The following C13orf42 variants were observed in gnomAD, a reference collection of about 807,000 sequenced individuals.
C13orf42 encodes the protein chromosome 13 open reading frame 42.
intron 1 of C13orf42, among the ~76,000 whole-genome samples, chr13:51,107,812 G>A (rs17075324): frequency 0.047 from 7,160 of 152,276 alleles, 443 homozygotes; most frequent in African/African-American, 0.14. Flanking sequence ...CAGGGGAGAC[G>A]CACATTTTAA....
chr13:51,124,272 C>CTGAT (rs1364596926), intron 1 of C13orf42, among the ~76,000 whole-genome samples: 14 of 152,274 alleles, frequency 9.2e-5, no homozygotes, highest in Admixed American at 9.2e-4. Flanking sequence ...CTTAAAAACC[C>CTGAT]TGATCCCCAA....
upstream of C13orf42, among the ~76,000 whole-genome samples, chr13:51,115,457 T>C (rs1399059993): frequency 1.3e-5 from 2 of 152,216 alleles, no homozygotes; most frequent in African/African-American, 4.8e-5. Context: ...CCTCGTATCA[T>C]GGTGTAACCG....
intron 1 of C13orf42, among the ~76,000 whole-genome samples, chr13:51,122,103 TTAG>T (rs1047333070): frequency 2.0e-5 from 3 of 152,140 alleles, no homozygotes; most frequent in Non-Finnish European, 2.9e-5. Context: ...ACAAATATTT[TTAG>T]TATATTAAGA....
At chr13:51,163,773 A>C (rs145410357) in intron 1 of C13orf42, among the ~76,000 whole-genome samples, 122 of 152,244 alleles carry the variant, frequency 8.0e-4, no homozygotes, top group Middle Eastern at 6.8e-3. Context: ...GATTATTCTC[A>C]GGGTATGCTT....
At chr13:51,084,678 C>T (rs1298510409) in intron 3 of C13orf42, among the ~76,000 whole-genome samples, 2 of 152,238 alleles carry the variant, frequency 1.3e-5, no homozygotes, top group East Asian at 3.9e-4. Flanking sequence ...GCTTGACAGG[C>T]CCTTCCGTTG....
At chr13:51,085,182 CAA>C in intron 3 of C13orf42, 135 bp downstream of exon 3, 7 of 147,938 alleles carry the variant, frequency 4.7e-5, no homozygotes, top group East Asian at 1.1e-4. Flanking sequence ...CCAGCAACAA[CAA>C]ATATATATAT....
intron 1 of C13orf42, among the ~76,000 whole-genome samples, chr13:51,098,336 T>G (rs1209449024): frequency 6.6e-6 from 1 of 151,944 alleles, no homozygotes; most frequent in African/African-American, 2.4e-5. Flanking sequence ...ACCCAGCCAA[T>G]GCCAAGGAGA....
rs539651359 is a variant in C13orf42, at chr13:51,136,251, T to TA, written n.137-23030dup. On this transcript the variant is annotated intron_variant and non_coding_transcript_variant, in intron 1 of 4. Coordinates refer to the C13orf42 transcript ENST00000433280. ...GTAATGCTCACAACCACCTGCATGT[T>TA]AGAGTTTTGTTCCACTGGTAGGAAG... Among the ~76,000 whole-genome samples the TA allele has an allele frequency of 2.8e-4, 42 of 152,274 alleles. No homozygotes were observed. The South Asian group carries it at 7.7e-3, about 28-fold the overall frequency.
At chr13:51,120,702 C>G (rs753978363) in intron 1 of C13orf42, among the ~76,000 whole-genome samples, 6 of 152,040 alleles carry the variant, frequency 3.9e-5, no homozygotes, top group Non-Finnish European at 7.4e-5. Flanking sequence ...TTTGGGAAAG[C>G]CTTTGGTTTC....
chr13:51,164,668 T>C (rs2138051611), intron 1 of C13orf42, among the ~76,000 whole-genome samples: 1 of 152,264 alleles, frequency 6.6e-6, no homozygotes. Flanking sequence ...TCTAAAAATA[T>C]GTAAATAAAT....
chr13:51,132,336 G>A lies in C13orf42; in HGVS notation n.137-19114C>T, dbSNP rs1046691713. 2.0e-5 allele frequency among the ~76,000 whole-genome samples: 3 copies of A among 151,992 alleles called. No homozygotes were observed. In the South Asian group the frequency reaches 6.2e-4, roughly 32 times the overall value. ...TAATCCTAGCTACTCAGGAGGCTGA[G>A]GCAGGAGAATCACTTGAACTGGGGA... On this transcript the variant is annotated intron_variant and non_coding_transcript_variant, in intron 1 of 4. Transcript: ENST00000433280.
intron 1 of C13orf42, among the ~76,000 whole-genome samples, chr13:51,120,191 A>T (rs190518263): frequency 6.6e-6 from 1 of 152,220 alleles, no homozygotes; most frequent in Admixed American, 6.5e-5. Context: ...CTGACTACGT[A>T]TGCTGGGCTT....
intron 1 of C13orf42, among the ~76,000 whole-genome samples, chr13:51,149,990 CA>C (rs1201731629): frequency 6.6e-6 from 1 of 152,152 alleles, no homozygotes; most frequent in Non-Finnish European, 1.5e-5. Context: ...TAGAACTTTG[CA>C]TGGATAAATG....
At chr13:51,086,520 G>A (rs933093499) in intron 2 of C13orf42, among the ~76,000 whole-genome samples, 5 of 151,964 alleles carry the variant, frequency 3.3e-5, no homozygotes, top group African/African-American at 4.8e-5. Context: ...GAGAGTGTGT[G>A]TGTGTGTGTT....
intron 1 of C13orf42, among the ~76,000 whole-genome samples, chr13:51,092,874 A>G (rs960475565): frequency 2.6e-5 from 4 of 152,202 alleles, no homozygotes; most frequent in Non-Finnish European, 5.9e-5. Flanking sequence ...ACTCATCATC[A>G]GCAACAACCA....
At chr13:51,132,348 A>C (rs1424513863) in intron 1 of C13orf42, among the ~76,000 whole-genome samples, 1 of 151,766 alleles carries the variant, frequency 6.6e-6, no homozygotes, top group Non-Finnish European at 1.5e-5. Context: ...CAGGAGAATC[A>C]CTTGAACTGG....
At chr13:51,130,003 G>A (rs1286594544) in intron 1 of C13orf42, among the ~76,000 whole-genome samples, 1 of 152,222 alleles carries the variant, frequency 6.6e-6, no homozygotes, top group Non-Finnish European at 1.5e-5. Flanking sequence ...CTTATGGAAT[G>A]AGTCCTTTAC....
intron 1 of C13orf42, among the ~76,000 whole-genome samples, chr13:51,164,687 G>A (rs528082412): frequency 2.8e-4 from 43 of 152,224 alleles, no homozygotes; most frequent in African/African-American, 9.6e-4. Flanking sequence ...ATAAAAACCT[G>A]AATAACAATT....
intron 1 of C13orf42, among the ~76,000 whole-genome samples, chr13:51,167,857 T>A (rs1186991048): frequency 6.6e-6 from 1 of 152,230 alleles, no homozygotes; most frequent in Non-Finnish European, 1.5e-5. Context: ...CAGGCTTTGG[T>A]TGTATTGTAC....
Sources: gnomAD v4.1 joint callset for allele counts (sites outside exome capture counted in the v4.1 genomes callset) on GRCh38, gnomAD v4.1.1 for gene constraint, MANE v1.5 for transcripts, NCBI Gene and HGNC (gene_info 2026-07-23, HGNC 2026-07-21) for gene names.